Variants in ODAD2 observed in about 807,000 individuals in gnomAD.
ODAD2 encodes outer dynein arm-docking complex subunit 2.
In ODAD2, 89 loss-of-function variants were observed where a neutral mutation model predicts 106.8. The observed-to-expected ratio is 0.83, with a 90% confidence interval of 0.70 to 0.99. The LOEUF (loss-of-function observed/expected upper bound fraction) is 0.99. Among genes scored for constraint, ODAD2 ranks in the 50% least tolerant of loss-of-function variants. The pLI is 0.00. For missense variants in ODAD2, 1,168 were observed against 1,238.5 expected (o/e 0.94, Z 0.85); for synonymous variants, 404 against 436.2 (o/e 0.93, Z 0.92).
chr10:27,894,531 C>A (rs1210259941), intron 17 of ODAD2, among the ~76,000 whole-genome samples: 1 of 151,836 alleles, frequency 6.6e-6, no homozygotes, highest in Non-Finnish European at 1.5e-5. Flanking sequence ...AAAGGGTCAG[C>A]AGTAACTATT....
rs1843038740 is a variant in ODAD2 at position 27,899,238 on chromosome 10, G to C, written c.2610+8425C>G. Reference sequence around the variant, plus strand: ...GAAATCCCTCCCCTAGCCAAGGGAAGGGGGAGTGTGGGACTGTGCCATGAG... The same window carrying C: ...GAAATCCCTCCCCTAGCCAAGGGAACGGGGAGTGTGGGACTGTGCCATGAG... On this transcript the variant is annotated intron_variant, in intron 17 of 19. Coordinates refer to ENST00000305242, the MANE Select transcript of ODAD2 (RefSeq NM_018076.5). 2.0e-5 allele frequency among the ~76,000 whole-genome samples: 3 copies of C among 152,082 alleles called. No homozygotes were observed. The South Asian group carries it at 6.2e-4, about 32-fold the overall frequency.
rs138517767 is a variant in ODAD2, at chr10:27,920,436, C to T, written c.2496-12659G>A. 1.8e-4 allele frequency among the ~76,000 whole-genome samples: 27 copies of T among 152,270 alleles called. No homozygotes were observed. The East Asian group carries it at 4.6e-3, about 26-fold the overall frequency. On this transcript the variant is annotated intron_variant, in intron 16 of 19. Coordinates refer to ENST00000305242, the MANE Select transcript of ODAD2 (RefSeq NM_018076.5). Reference sequence around the variant, plus strand: ...CATCTATTAATATGCGTGCATATCACAACTGGCTGGATGAGATACAGAATG... The same window carrying T: ...CATCTATTAATATGCGTGCATATCATAACTGGCTGGATGAGATACAGAATG...
intron 19 of ODAD2, among the ~76,000 whole-genome samples, chr10:27,826,737 CT>C (rs1837077294): frequency 6.6e-6 from 1 of 152,120 alleles, no homozygotes; most frequent in South Asian, 2.1e-4. Flanking sequence ...ATTAACCCCC[CT>C]CTTTCCGGTA....
At chr10:27,989,727 G>T (rs1281144222) in intron 2 of ODAD2, among the ~76,000 whole-genome samples, 7 of 152,144 alleles carry the variant, frequency 4.6e-5, no homozygotes, top group Non-Finnish European at 7.4e-5. Context: ...CACGTGCTTT[G>T]GTCCCAGCTA....
chr10:27,998,007 A>G (rs1850657253), intron 1 of ODAD2, among the ~76,000 whole-genome samples: 1 of 152,238 alleles, frequency 6.6e-6, no homozygotes, highest in African/African-American at 2.4e-5. Context: ...TATCCAATAG[A>G]TACCACAGAT....
intron 12 of ODAD2, among the ~76,000 whole-genome samples, chr10:27,944,000 G>A (rs975386433): frequency 1.3e-5 from 2 of 151,980 alleles, no homozygotes; most frequent in Non-Finnish European, 2.9e-5. Flanking sequence ...CTTTAAAACT[G>A]TCCTATTTCT....
Position 27,907,784 on chromosome 10 carries a change from T to C in ODAD2, c.2496-7A>G, listed in dbSNP as rs201203284. On this transcript the variant is annotated splice_polypyrimidine_tract_variant and splice_region_variant and intron_variant, in intron 16 of 19. Coordinates refer to ENST00000305242, the MANE Select transcript of ODAD2 (RefSeq NM_018076.5). The stretch of plus-strand genomic sequence containing the variant: ...ATCTAAGCGATCAATTATCCTATCG[T>C]GGAACCCAAAATCATGATATAAACT... 2,413 of 1,590,070 alleles carry C rather than the reference T, an allele frequency of 1.5e-3. 5 individuals are homozygous for C. Among genetic ancestry groups the C allele is most frequent in the Non-Finnish European group, 1.7e-3 (1,939 of 1,158,572 alleles).
chr10:27,903,762 C>T (rs553189900), intron 17 of ODAD2, among the ~76,000 whole-genome samples: 50 of 152,200 alleles, frequency 3.3e-4, no homozygotes, highest in Non-Finnish European at 6.8e-4. Context: ...TGCGGTACCT[C>T]CTATTAGATA....
At chr10:27,892,915 G>A (rs1316138083) in intron 17 of ODAD2, among the ~76,000 whole-genome samples, 40 of 152,166 alleles carry the variant, frequency 2.6e-4, no homozygotes, top group Admixed American at 2.6e-3. Context: ...TTGGGAGGCC[G>A]AGGCGAGCAG....
chr10:27,835,115 T>TCTCAAGGC (rs1837768409), intron 19 of ODAD2, among the ~76,000 whole-genome samples: 1 of 152,006 alleles, frequency 6.6e-6, no homozygotes, highest in South Asian at 2.1e-4. Flanking sequence ...ACAAAACCAC[T>TCTCAAGGC]CTCAAGGCCG....
intron 19 of ODAD2, among the ~76,000 whole-genome samples, chr10:27,853,993 C>T (rs1839475948): frequency 6.6e-6 from 1 of 152,118 alleles, no homozygotes; most frequent in Non-Finnish European, 1.5e-5. Flanking sequence ...GCAAATTACA[C>T]ATATGGTAAG....
At chr10:27,980,563 TG>T (rs1849481771) in intron 7 of ODAD2, among the ~76,000 whole-genome samples, 1 of 152,064 alleles carries the variant, frequency 6.6e-6, no homozygotes, top group Non-Finnish European at 1.5e-5. Flanking sequence ...AACAAATATA[TG>T]AAAATATGGT....
rs1483092372 is a variant in ODAD2 at position 27,936,755 on chromosome 10, T to C, written c.2223A>G (p.Lys741=). ...TAACATTCTCTTTGCTGATGGAACA[T>C]TTCCATATAGCCCCTGTGACAGCAG... ...RLAAVTGAIW[K]CSISKENVTK... The change falls in exon 15 of 20, where the codon AAA becomes AAG. Residue 741 remains lysine (K), a synonymous_variant. Transcript: ENST00000305242. 8.1e-6 allele frequency: 13 copies of C among 1,614,034 alleles called. No individual in the cohort carries two copies. The highest frequency in any genetic ancestry group is 9.3e-6 in the Non-Finnish European group (11 of 1,179,916).
rs773173704 is a variant in ODAD2 at position 27,987,533 on chromosome 10, C to T, written c.235G>A (p.Val79Ile). Residue 79 changes from valine (V) to isoleucine (I), a missense_variant, in exon 3 of 20, where the codon GTC becomes ATC. By Grantham distance (29) the Val-to-Ile change is conservative. Coordinates refer to ENST00000305242, the MANE Select transcript of ODAD2 (RefSeq NM_018076.5). ...ESGYVVSETTVKSEEVDKNGQ... is the reference protein window; with the variant it reads ...ESGYVVSETTIKSEEVDKNGQ... Reference sequence around the variant, plus strand: ...TTTTTATCAACTTCTTCTGATTTGACTGTTGTTTCACTAAAAAATAAAAAT... The same window carrying T: ...TTTTTATCAACTTCTTCTGATTTGATTGTTGTTTCACTAAAAAATAAAAAT... The T allele has an allele frequency of 6.2e-7, 1 of 1,605,876 alleles. No individual in the cohort carries two copies. Among genetic ancestry groups the T allele is most frequent in the African/African-American group, 1.3e-5 (1 of 74,336 alleles).
intron 19 of ODAD2, among the ~76,000 whole-genome samples, chr10:27,845,841 G>A (rs1393966401): frequency 1.3e-5 from 2 of 152,088 alleles, no homozygotes; most frequent in African/African-American, 4.8e-5. Context: ...ATTACATGAT[G>A]GTAAAGGGAT....
chr10:27,885,525 A>AT (rs1288666186), intron 17 of ODAD2, among the ~76,000 whole-genome samples: 10 of 19,856 alleles, frequency 5.0e-4, no homozygotes, highest in East Asian at 1.0e-3. Context: ...AAAAAAAAAA[A>AT]AAAAAAAAAT....
chr10:27,953,879 T>C (rs1847535861), intron 10 of ODAD2, among the ~76,000 whole-genome samples: 1 of 152,168 alleles, frequency 6.6e-6, no homozygotes, highest in Non-Finnish European at 1.5e-5. Context: ...GTGCTTCTGC[T>C]ATGTCCTGTG....
chr10:27,881,480 A>T (rs888322114), intron 17 of ODAD2, among the ~76,000 whole-genome samples: 20 of 152,062 alleles, frequency 1.3e-4, no homozygotes, highest in Admixed American at 5.9e-4. Context: ...AAAAAAAAAA[A>T]TTAAAAATTA....
intron 16 of ODAD2, among the ~76,000 whole-genome samples, chr10:27,908,969 A>G (rs766383476): frequency 9.2e-5 from 14 of 152,212 alleles, no homozygotes; most frequent in Non-Finnish European, 1.8e-4. Context: ...TAGGTTTTCA[A>G]ACCTAAAACT....
Sources: gnomAD v4.1 joint callset for allele counts (sites outside exome capture counted in the v4.1 genomes callset) on GRCh38, gnomAD v4.1.1 for gene constraint, MANE v1.5 for transcripts, NCBI Gene and HGNC (gene_info 2026-07-23, HGNC 2026-07-21) for gene names.